Variants in KCNT1 observed in about 807,000 individuals in gnomAD.
KCNT1 encodes potassium channel subfamily T member 1.
In KCNT1, 78 loss-of-function variants were observed where a neutral mutation model predicts 147.8. That is an observed-to-expected ratio of 0.53 (90% confidence interval 0.44 to 0.64). The LOEUF (loss-of-function observed/expected upper bound fraction) is 0.64, where lower values mean the gene tolerates loss of function less well. Among genes scored for constraint, KCNT1 ranks in the 30% least tolerant of loss-of-function variants. KCNT1 has a pLI of 0.00. For synonymous variants in KCNT1, 867 were observed against 748.8 expected (o/e 1.16, Z -2.58); for missense variants, 1,419 against 1,750.3 (o/e 0.81, Z 3.38).
intron 2 of KCNT1, among the ~76,000 whole-genome samples, chr9:135,739,900 C>T (rs1431715521): frequency 2.6e-5 from 4 of 152,092 alleles, no homozygotes; most frequent in Non-Finnish European, 5.9e-5. Flanking sequence ...GACACCAGGC[C>T]CTGTCTTTCA....
At chr9:135,769,796 C>T (rs1015290785) in intron 15 of KCNT1, 151 bp from the exon 16 acceptor site, 5 of 628,466 alleles carry the variant, frequency 8.0e-6, no homozygotes, top group Admixed American at 2.4e-5. Flanking sequence ...TCCACAGACT[C>T]TCGGGGCAGA....
chr9:135,719,095 C>T (rs1357932469), intron 2 of KCNT1, among the ~76,000 whole-genome samples: 1 of 152,210 alleles, frequency 6.6e-6, no homozygotes, highest in Non-Finnish European at 1.5e-5. Flanking sequence ...GCCCCTTGAG[C>T]CATGCTGACA....
At chr9:135,742,909 A>T in intron 2 of KCNT1, 1 of 693,336 alleles carries the variant, frequency 1.4e-6, no homozygotes. Context: ...TCAACCCAGC[A>T]TCCCCTGCAG....
At chr9:135,792,011 C>G (rs763439145) in intron 30 of KCNT1, 30 bp from the exon 31 acceptor site, 1 of 1,602,412 alleles carries the variant, frequency 6.2e-7, no homozygotes, top group Non-Finnish European at 8.5e-7. Context: ...GGCCCACATC[C>G]ACTCCAGGGT....
chr9:135,745,039 G>A (rs1348676128), intron 2 of KCNT1, among the ~76,000 whole-genome samples: 9 of 152,232 alleles, frequency 5.9e-5, no homozygotes, highest in Admixed American at 5.2e-4. Context: ...CGGGACCCGT[G>A]GCCGGGGATC....
At chr9:135,767,154 C>G (rs1046867489) in intron 13 of KCNT1, among the ~76,000 whole-genome samples, 3 of 152,204 alleles carry the variant, frequency 2.0e-5, no homozygotes, top group Admixed American at 2.0e-4. Flanking sequence ...CATCACTCCC[C>G]CTCCCCCTGC....
intron 2 of KCNT1, among the ~76,000 whole-genome samples, chr9:135,731,960 G>GTATATATATATATATATATATATATATA (rs776201547): frequency 4.8e-5 from 2 of 41,412 alleles, no homozygotes; most frequent in Non-Finnish European, 9.5e-5. Context: ...AAATATGCGT[G>GTATATATATATATATATATATATATATA]TATATATATA....
intron 2 of KCNT1, among the ~76,000 whole-genome samples, chr9:135,737,972 C>G (rs1478705949): frequency 6.6e-6 from 1 of 152,202 alleles, no homozygotes; most frequent in East Asian, 1.9e-4. Flanking sequence ...AGTCCCCTCC[C>G]CCTCCTCTTC....
chr9:135,703,960 C>G (rs957583946), intron 1 of KCNT1, among the ~76,000 whole-genome samples: 1 of 152,220 alleles, frequency 6.6e-6, no homozygotes, highest in Non-Finnish European at 1.5e-5. Flanking sequence ...GAGCAGCCGC[C>G]GGCAGTGGAG....
At chr9:135,711,928 C>T (rs1465566573) in intron 1 of KCNT1, among the ~76,000 whole-genome samples, 1 of 152,262 alleles carries the variant, frequency 6.6e-6, no homozygotes, top group Non-Finnish European at 1.5e-5. Context: ...TACATCTTCA[C>T]ACTCTTCCTA....
chr9:135,778,078 C>T (rs1037504380), intron 21 of KCNT1, among the ~76,000 whole-genome samples: 8 of 152,128 alleles, frequency 5.3e-5, no homozygotes, highest in Non-Finnish European at 7.4e-5. Context: ...GTCCTGTTTG[C>T]CTCCTGCTCC....
rs1395876777 is a variant in KCNT1 at position 135,730,930 on chromosome 9, G to A, written c.254+16210G>A. Among the ~76,000 whole-genome samples, 1 of 144,442 alleles carries A rather than the reference G, an allele frequency of 6.9e-6. No individual in the cohort carries two copies. The allele number at this position is 144,442 out of a possible 152,430, so 94.8% of individuals were successfully genotyped here. A position where few individuals can be genotyped will look rare whatever the true frequency, so the allele number is the denominator to read the frequency against. ...GAGCCCAGGAGGTCCAGGCTGCAGTGAGCGATGTTCATGCCACTGCACTCC... is the reference window on the plus strand; with the variant it reads ...GAGCCCAGGAGGTCCAGGCTGCAGTAAGCGATGTTCATGCCACTGCACTCC... On this transcript the variant is annotated intron_variant, in intron 2 of 30. Transcript: ENST00000371757. The surrounding 1 kb of genome is among the most constrained non-coding windows in gnomAD (Gnocchi z 4.7).
At position 135,768,858 on chromosome 9, in the gene KCNT1, C is replaced by T. The variant is rs375534850; in HGVS notation, c.1431C>T (p.Ala477=). Residue 477 remains alanine, a synonymous_variant, in exon 15 of 31, where the codon GCC becomes GCT. Coordinates refer to ENST00000371757, the MANE Select transcript of KCNT1 (RefSeq NM_020822.3). ...ADHQTILRAW[A]VKDFAPNCPL... The stretch of plus-strand genomic sequence containing the variant: ...ACCAGACCATCCTGCGCGCCTGGGC[C>T]GTGAAGGACTTCGCCCCCAACTGCC... 7.2e-5 allele frequency: 116 copies of T among 1,613,228 alleles called. No individual in the cohort carries two copies. The highest frequency in any genetic ancestry group is 1.7e-4 in the Middle Eastern group (1 of 6,028).
chr9:135,741,963 C>T (rs1830590138), intron 2 of KCNT1, among the ~76,000 whole-genome samples: 1 of 152,210 alleles, frequency 6.6e-6, no homozygotes, highest in Non-Finnish European at 1.5e-5. Flanking sequence ...CTCTGGAGCC[C>T]TCAGCTCCCA....
intron 19 of KCNT1, among the ~76,000 whole-genome samples, chr9:135,773,733 T>C (rs1232289493): frequency 1.3e-5 from 2 of 152,250 alleles, no homozygotes; most frequent in East Asian, 1.9e-4. Context: ...GTCAACACAC[T>C]GTAATGACAG....
intron 11 of KCNT1, among the ~76,000 whole-genome samples, chr9:135,760,302 C>T (rs1588332276): frequency 6.6e-6 from 1 of 152,328 alleles, no homozygotes; most frequent in African/African-American, 2.4e-5. Flanking sequence ...GCCCACTGAG[C>T]AGAGGAGGGG....
intron 2 of KCNT1, among the ~76,000 whole-genome samples, chr9:135,715,474 C>T (rs1456480212): frequency 6.6e-6 from 1 of 152,158 alleles, no homozygotes; most frequent in Admixed American, 6.5e-5. Context: ...AGCTGGAGCC[C>T]GCGGGGGCTT....
At position 135,786,329 on chromosome 9, in the gene KCNT1, C is replaced by T; in HGVS notation, c.3310C>T (p.Leu1104=). 6.3e-7 allele frequency: 1 copy of T among 1,596,976 alleles called. No homozygotes were observed. The highest frequency in any genetic ancestry group is 1.1e-5 in the South Asian group (1 of 88,992). Reference sequence around the variant, plus strand: ...CGGCGGTGACCCCGCAGAGCACCCACTGCTACGGCGCAAGAGCCTGCAGTG... The same window carrying T: ...CGGCGGTGACCCCGCAGAGCACCCATTGCTACGGCGCAAGAGCCTGCAGTG... The part of the protein sequence containing the change: ...TGGGDPAEHP[L]LRRKSLQWAR... The change falls in exon 29 of 31, where the codon CTG becomes TTG. Residue 1104 remains leucine, a synonymous_variant. Transcript: ENST00000371757.
intron 2 of KCNT1, among the ~76,000 whole-genome samples, chr9:135,734,343 G>A (rs933204402): frequency 1.1e-4 from 16 of 152,222 alleles, no homozygotes; most frequent in Non-Finnish European, 2.1e-4. Context: ...CCGTCCTGGT[G>A]CCCTGAGGCC....
Sources: allele counts gnomAD v4.1 joint callset (sites outside exome capture counted in the v4.1 genomes callset), GRCh38; gene constraint gnomAD v4.1.1; non-coding constraint Gnocchi (gnomAD v3.1); transcripts MANE v1.5; gene names NCBI Gene and HGNC (gene_info 2026-07-23, HGNC 2026-07-21).